GALNT11: variants seen among roughly 807,000 people sequenced by gnomAD.
GALNT11 encodes UDP-GalNAc:polypeptide N-acetylgalactosaminyltransferase 11.
A neutral mutation model predicts 72.7 loss-of-function variants in GALNT11; 47 were observed. That is an observed-to-expected ratio of 0.65 (90% CI 0.51 to 0.82). The LOEUF is 0.82. Ranked by LOEUF, GALNT11 falls within the 40% of genes least tolerant of loss-of-function variation. The pLI is 0.00. For synonymous variants in GALNT11, 270 were observed against 286.6 expected (o/e 0.94, Z 0.58); for missense variants, 677 against 778.4 (o/e 0.87, Z 1.55).
chr7:152,117,006 G>T, intron 8 of GALNT11, 151 bp from the exon 9 acceptor site: 1 of 735,890 alleles, frequency 1.4e-6, no homozygotes. Flanking sequence ...TCATATATAC[G>T]CCTGTTTCAT....
intron 2 of GALNT11, among the ~76,000 whole-genome samples, chr7:152,096,748 C>T (rs921876962): frequency 6.6e-6 from 1 of 151,558 alleles, no homozygotes; most frequent in African/African-American, 2.4e-5. Flanking sequence ...AAAAGACAAC[C>T]CACAGAATGG....
At chr7:152,039,935 A>C (rs149774937) in intron 1 of GALNT11, among the ~76,000 whole-genome samples, 2 of 152,252 alleles carry the variant, frequency 1.3e-5, no homozygotes, top group African/African-American at 4.8e-5. Context: ...CAAAAAATTT[A>C]AAGTTAAGAA....
At chr7:152,121,475 C>CCATCT in intron 11 of GALNT11, 71 bp from the exon 12 acceptor site, 1 of 1,552,368 alleles carries the variant, frequency 6.4e-7, no homozygotes, top group Non-Finnish European at 8.7e-7. Flanking sequence ...CTTAAGTGCT[C>CCATCT]CATCTCTCCT....
chr7:152,070,890 G>A (rs1410328815), intron 1 of GALNT11, among the ~76,000 whole-genome samples: 1 of 152,100 alleles, frequency 6.6e-6, no homozygotes, highest in Non-Finnish European at 1.5e-5. Flanking sequence ...TGGGCGTCCG[G>A]GGGACACATC....
intron 1 of GALNT11, among the ~76,000 whole-genome samples, chr7:152,063,718 T>C (rs1347778754): frequency 1.3e-5 from 2 of 152,228 alleles, no homozygotes; most frequent in African/African-American, 4.8e-5. Context: ...TTTCATTATG[T>C]ACCCAGTAGT....
intron 8 of GALNT11, among the ~76,000 whole-genome samples, chr7:152,113,712 C>CTTTTTTTTTTGTTTTTTTTTTTTT (rs2088507107): frequency 1.0e-5 from 1 of 96,972 alleles, no homozygotes; most frequent in Non-Finnish European, 2.0e-5. Flanking sequence ...AGTTGGCTTT[C>CTTTTTTTTTTGTTTTTTTTTTTTT]TTTTTTTTTT....
In GALNT11 at chr7:152,121,632, G is replaced by A. The variant is rs1355009647; in HGVS notation, c.1782G>A (p.Ala594=). 9.3e-6 allele frequency: 15 copies of A among 1,614,222 alleles called. No individual in the cohort carries two copies. Among genetic ancestry groups the A allele is most frequent in the East Asian group, 8.9e-5 (4 of 44,882 alleles). ...GTCAGAAGGGCTCTGTCGCCATGGC[G>A]ATCTGCGATGGCTCCTCTTCACAGC... ...PLGQKGSVAM[A]ICDGSSSQQW... The change falls in exon 12 of 12, where the codon GCG becomes GCA. Residue 594 remains alanine, a synonymous_variant. Transcript: ENST00000430044.
intron 1 of GALNT11, among the ~76,000 whole-genome samples, chr7:152,042,306 A>G (rs1321400398): frequency 5.3e-5 from 8 of 152,228 alleles, no homozygotes; most frequent in East Asian, 3.8e-4. Flanking sequence ...TAATGTCCCC[A>G]TAGGTTGTAT....
intron 1 of GALNT11, among the ~76,000 whole-genome samples, chr7:152,035,791 G>C (rs1186761211): frequency 6.6e-6 from 1 of 152,168 alleles, no homozygotes; most frequent in Non-Finnish European, 1.5e-5. Context: ...GGACAGAATA[G>C]CAAGTGAAAG....
chr7:152,054,761 C>T (rs542923736), intron 1 of GALNT11, among the ~76,000 whole-genome samples: 8 of 151,966 alleles, frequency 5.3e-5, no homozygotes, highest in East Asian at 1.9e-4. Flanking sequence ...TCAAGCGATC[C>T]GCCCACCTCA....
intron 1 of GALNT11, among the ~76,000 whole-genome samples, chr7:152,055,771 T>TA (rs2152041299): frequency 6.6e-6 from 1 of 152,150 alleles, no homozygotes; most frequent in South Asian, 2.1e-4. Flanking sequence ...ATTGGACTTC[T>TA]AAAATCTTGC....
chr7:152,030,441 A>C (rs2082255244), intron 1 of GALNT11, among the ~76,000 whole-genome samples: 1 of 152,188 alleles, frequency 6.6e-6, no homozygotes, highest in Admixed American at 6.5e-5. Context: ...TATTGGAATA[A>C]AGAGTAATTG....
chr7:152,115,025 C>T (rs1159719618), intron 8 of GALNT11, among the ~76,000 whole-genome samples: 2 of 152,114 alleles, frequency 1.3e-5, no homozygotes, highest in Non-Finnish European at 2.9e-5. Context: ...TGTTTGGGGG[C>T]AGTAGGGACT....
chr7:152,041,056 A>G (rs1008223496), intron 1 of GALNT11, among the ~76,000 whole-genome samples: 2 of 152,172 alleles, frequency 1.3e-5, no homozygotes, highest in Non-Finnish European at 2.9e-5. Flanking sequence ...GGTCCTCCTC[A>G]GCGTCAGTCT....
intron 1 of GALNT11, among the ~76,000 whole-genome samples, chr7:152,073,133 T>C (rs1027603270): frequency 6.6e-6 from 1 of 152,210 alleles, no homozygotes; most frequent in Non-Finnish European, 1.5e-5. Flanking sequence ...TCTCATACAT[T>C]TATCATTTCT....
intron 1 of GALNT11, among the ~76,000 whole-genome samples, chr7:152,052,627 C>A (rs953894685): frequency 6.6e-6 from 1 of 152,242 alleles, no homozygotes; most frequent in Non-Finnish European, 1.5e-5. Context: ...ACATTGCTGT[C>A]GATAGACCCT....
At chr7:152,035,923 G>A (rs931623909) in intron 1 of GALNT11, among the ~76,000 whole-genome samples, 7 of 152,124 alleles carry the variant, frequency 4.6e-5, no homozygotes, top group South Asian at 2.1e-4. Context: ...CGTAGTGCCC[G>A]CTGGCCTCCC....
At chr7:152,120,797 G>A (rs375822872) in intron 10 of GALNT11, 34 bp from the exon 11 acceptor site, 74 of 1,539,392 alleles carry the variant, frequency 4.8e-5, no homozygotes, top group African/African-American at 3.0e-4. Context: ...CTTAAAATTC[G>A]TTATCTAAAT....
At chr7:152,063,894 T>C (rs1171808278) in intron 1 of GALNT11, among the ~76,000 whole-genome samples, 2 of 152,194 alleles carry the variant, frequency 1.3e-5, no homozygotes, top group Non-Finnish European at 2.9e-5. Flanking sequence ...ATGTGGTCAA[T>C]TTTGGAATAA....
Sources: gnomAD v4.1 joint callset for allele counts (sites outside exome capture counted in the v4.1 genomes callset) on GRCh38, gnomAD v4.1.1 for gene constraint, MANE v1.5 for transcripts, NCBI Gene and HGNC (gene_info 2026-07-23, HGNC 2026-07-21) for gene names.